ZNRF1: variants seen among roughly 807,000 people sequenced by gnomAD.
The protein encoded by ZNRF1 is E3 ubiquitin-protein ligase ZNRF1.
In ZNRF1, 3 loss-of-function variants were observed where a neutral mutation model predicts 18.4. The observed-to-expected ratio is 0.16, with a 90% confidence interval of 0.07 to 0.42. The LOEUF is 0.42. Among genes scored for constraint, ZNRF1 ranks in the 10% least tolerant of loss-of-function variants. ZNRF1 has a pLI of 0.99. For missense variants in ZNRF1, 310 were observed against 329.8 expected, an observed-to-expected ratio of 0.94 and a Z score of 0.47; for synonymous variants, 157 against 144.2, an observed-to-expected ratio of 1.09 and a Z score of -0.64.
intron 1 of ZNRF1, among the ~76,000 whole-genome samples, chr16:75,027,315 TA>T (rs2035238385): frequency 2.0e-5 from 3 of 152,090 alleles, no homozygotes. Context: ...TAATAAATGG[TA>T]TCTCATGTTG....
At chr16:75,051,491 G>A (rs2145374660) in intron 1 of ZNRF1, among the ~76,000 whole-genome samples, 1 of 152,070 alleles carries the variant, frequency 6.6e-6, no homozygotes, top group Non-Finnish European at 1.5e-5. Context: ...TTACAGGCAT[G>A]AGCCACCGCA....
intron 1 of ZNRF1, among the ~76,000 whole-genome samples, chr16:75,038,573 C>T (rs1219580380): frequency 6.6e-6 from 1 of 152,182 alleles, no homozygotes; most frequent in African/African-American, 2.4e-5. Flanking sequence ...TGCTGAAGAG[C>T]TGGTAAGATG....
At position 75,109,698 on chromosome 16, in the gene ZNRF1, G is replaced by A. The variant is rs1470098775; in HGVS notation, c.*1998G>A. On this transcript the variant is annotated 3_prime_UTR_variant, in exon 5 of 5. Transcript: ENST00000335325. ...CTCCTACTTGGCAGAATGATCTTGG[G>A]GAAACGACTTCATCTGAACTTCAGA... is the stretch of plus-strand genomic sequence containing the variant. 6.6e-6 allele frequency: 1 copy of A among 152,370 alleles called. No homozygotes were observed. The highest frequency in any genetic ancestry group is 1.5e-5 in the Non-Finnish European group (1 of 68,100). The allele number at this position is 152,370 out of a possible 1,614,324, so 9.4% of individuals were successfully genotyped here.
chr16:75,065,955 TGGGA>T (rs2035798249), intron 1 of ZNRF1, among the ~76,000 whole-genome samples: 1 of 152,092 alleles, frequency 6.6e-6, no homozygotes, highest in African/African-American at 2.4e-5. Flanking sequence ...CTGCACCTGT[TGGGA>T]GGGCTCCTCT....
intron 1 of ZNRF1, among the ~76,000 whole-genome samples, chr16:75,052,262 G>A (rs988874884): frequency 6.6e-6 from 1 of 152,084 alleles, no homozygotes; most frequent in Admixed American, 6.6e-5. Flanking sequence ...TTACCTGGGT[G>A]TGGTGGCGTG....
At chr16:75,094,172 T>A (rs535976510) in intron 2 of ZNRF1, among the ~76,000 whole-genome samples, 2 of 152,266 alleles carry the variant, frequency 1.3e-5, no homozygotes, top group East Asian at 1.9e-4. Context: ...GATTTAGTCC[T>A]ATGAGTCCAC....
chr16:75,044,198 G>C (rs1160647365), intron 1 of ZNRF1, among the ~76,000 whole-genome samples: 1 of 151,884 alleles, frequency 6.6e-6, no homozygotes, highest in Non-Finnish European at 1.5e-5. Context: ...CCTTCCCTAG[G>C]TGTAGGACAG....
At chr16:75,004,919 C>T (rs939619397) in intron 1 of ZNRF1, among the ~76,000 whole-genome samples, 2 of 152,176 alleles carry the variant, frequency 1.3e-5, no homozygotes, top group Non-Finnish European at 2.9e-5. Flanking sequence ...CCTGGCCCAA[C>T]GTGGCTTTTA....
intron 1 of ZNRF1, among the ~76,000 whole-genome samples, chr16:75,010,947 G>T (rs906499014): frequency 6.6e-6 from 1 of 152,200 alleles, no homozygotes; most frequent in South Asian, 2.1e-4. Context: ...GACCTCAAGT[G>T]ATCCGCCCAC....
In ZNRF1 at chr16:75,040,598, G is replaced by GTTT. The variant is rs61513153; in HGVS notation, c.424+40526_424+40528dup. On this transcript the variant is annotated intron_variant, in intron 1 of 4. Coordinates refer to ENST00000335325, the MANE Select transcript of ZNRF1 (RefSeq NM_032268.5). ...ATGTTTTTGTTTTTGTTTTTTGTGGGTTTTTTTTTTTTTTTTTTTTTTTTT... is the reference window on the plus strand; with the variant it reads ...ATGTTTTTGTTTTTGTTTTTTGTGGGTTTTTTTTTTTTTTTTTTTTTTTTTTTT... 8.3e-3 allele frequency among the ~76,000 whole-genome samples: 383 copies of GTTT among 46,372 alleles called. 12 individuals are homozygous for GTTT. Among genetic ancestry groups the GTTT allele is most frequent in the Middle Eastern group, 0.028 (1 of 36 alleles). The allele number at this position is 46,372 out of a possible 152,430, so 30.4% of individuals were successfully genotyped here. A position where few individuals can be genotyped will look rare whatever the true frequency, so the allele number is the denominator to read the frequency against.
At chr16:75,075,235 A>G (rs1446721337) in intron 1 of ZNRF1, among the ~76,000 whole-genome samples, 1 of 152,252 alleles carries the variant, frequency 6.6e-6, no homozygotes, top group African/African-American at 2.4e-5. Context: ...TCCTGCCAGC[A>G]GTACTGTCAA....
intron 1 of ZNRF1, among the ~76,000 whole-genome samples, chr16:75,022,575 AC>A (rs2035167329): frequency 6.6e-6 from 1 of 152,070 alleles, no homozygotes; most frequent in South Asian, 2.1e-4. Flanking sequence ...CAAAAAAAAA[AC>A]AAAACAAAAA....
At chr16:75,008,740 C>T (rs537122561) in intron 1 of ZNRF1, among the ~76,000 whole-genome samples, 118 of 152,294 alleles carry the variant, frequency 7.7e-4, no homozygotes, top group African/African-American at 2.6e-3. Flanking sequence ...TGCTTCCTCA[C>T]TCCTTAAGAG....
At position 75,058,041 on chromosome 16, in the gene ZNRF1, G is replaced by A. The variant is rs531920368; in HGVS notation, c.425-35531G>A. Among the ~76,000 whole-genome samples, 178 of 151,648 alleles carry A rather than the reference G, an allele frequency of 1.2e-3. 2 individuals are homozygous for A. Among genetic ancestry groups the A allele is most frequent in the Middle Eastern group, 6.9e-3 (2 of 290 alleles). ...CAAATATGAGGCCTGAGAGAGAACCGCATTCCATCCTTTCTGGTCCTCTAA... is the reference window on the plus strand; with the variant it reads ...CAAATATGAGGCCTGAGAGAGAACCACATTCCATCCTTTCTGGTCCTCTAA... On this transcript the variant is annotated intron_variant, in intron 1 of 4. Coordinates refer to ENST00000335325, the MANE Select transcript of ZNRF1 (RefSeq NM_032268.5).
At chr16:75,035,350 A>G (rs1053722342) in intron 1 of ZNRF1, among the ~76,000 whole-genome samples, 1 of 152,174 alleles carries the variant, frequency 6.6e-6, no homozygotes, top group Non-Finnish European at 1.5e-5. Context: ...TGTTTTTCTT[A>G]TAGAAAGTAT....
chr16:75,020,438 G>A (rs936894398), intron 1 of ZNRF1, among the ~76,000 whole-genome samples: 1 of 151,960 alleles, frequency 6.6e-6, no homozygotes, highest in Non-Finnish European at 1.5e-5. Context: ...GATACCTTAT[G>A]TAATTTATTT....
At chr16:75,101,753 T>G (rs1209884210) in intron 2 of ZNRF1, among the ~76,000 whole-genome samples, 1 of 152,250 alleles carries the variant, frequency 6.6e-6, no homozygotes, top group Non-Finnish European at 1.5e-5. Context: ...AAAAGGATTT[T>G]TCTCCAAGTC....
chr16:75,002,292 G>GGGAT (rs1240866540), intron 1 of ZNRF1: 39 of 152,354 alleles, frequency 2.6e-4, no homozygotes, highest in Admixed American at 2.2e-3. Flanking sequence ...AACAGACCAT[G>GGGAT]GGATCTTCCA....
chr16:75,060,886 G>A (rs6564200), intron 1 of ZNRF1, among the ~76,000 whole-genome samples: 132,058 of 152,154 alleles, frequency 0.87, 57,894 homozygotes, highest in Non-Finnish European at 0.93. Context: ...TTGTAACTTC[G>A]TGAGGAGGAG....
Sources: gnomAD v4.1 joint callset for allele counts (sites outside exome capture counted in the v4.1 genomes callset) on GRCh38, gnomAD v4.1.1 for gene constraint, MANE v1.5 for transcripts, NCBI Gene and HGNC (gene_info 2026-07-23, HGNC 2026-07-21) for gene names.